The following GRM7 variants were observed in gnomAD, a reference collection of about 807,000 sequenced individuals.
GRM7 encodes the protein glutamate metabotropic receptor 7, also known as metabotropic glutamate receptor 7.
A neutral mutation model predicts 84.5 loss-of-function variants in GRM7; 35 were observed. The ratio of observed to expected loss-of-function variants is 0.41; its 90% CI spans 0.32 to 0.55. The LOEUF (loss-of-function observed/expected upper bound fraction) is 0.55, where lower values mean the gene tolerates loss of function less well. Among genes scored for constraint, GRM7 ranks in the 20% least tolerant of loss-of-function variants. The probability of loss-of-function intolerance (pLI) is 0.19; values close to 1 mark genes in which losing one functional copy is unlikely to be tolerated. For missense variants in GRM7, 1,003 were observed against 1,194.6 expected (o/e 0.84, Z 2.36); for synonymous variants, 487 against 455.1 (o/e 1.07, Z -0.89).
At chr3:7,534,941 A>G (rs1392011503) in intron 7 of GRM7, among the ~76,000 whole-genome samples, 1 of 152,180 alleles carries the variant, frequency 6.6e-6, no homozygotes, top group Non-Finnish European at 1.5e-5. Flanking sequence ...CAGTGTCATG[A>G]GAATGTACAT....
At chr3:7,639,477 C>A (rs969371771) in intron 8 of GRM7, among the ~76,000 whole-genome samples, 3 of 152,132 alleles carry the variant, frequency 2.0e-5, no homozygotes, top group Non-Finnish European at 4.4e-5. Flanking sequence ...GAGTTATTGA[C>A]CCTGCAGTGA....
chr3:6,866,606 C>G (rs993909370), intron 1 of GRM7, among the ~76,000 whole-genome samples: 1 of 152,162 alleles, frequency 6.6e-6, no homozygotes, highest in African/African-American at 2.4e-5. Flanking sequence ...GGAAAATGAT[C>G]TCTCAGGTCA....
chr3:7,557,247 G>A (rs546434238), intron 7 of GRM7, among the ~76,000 whole-genome samples: 1 of 152,182 alleles, frequency 6.6e-6, no homozygotes, highest in East Asian at 1.9e-4. Context: ...GCTATGCTAG[G>A]TGCTTAGAGG....
intron 9 of GRM7, among the ~76,000 whole-genome samples, chr3:7,717,695 G>A (rs1701812980): frequency 6.6e-6 from 1 of 152,188 alleles, no homozygotes; most frequent in South Asian, 2.1e-4. Flanking sequence ...ACCAGCAACA[G>A]GAAGGGAGAG....
intron 1 of GRM7, among the ~76,000 whole-genome samples, chr3:7,121,034 C>T (rs1341478020): frequency 6.6e-6 from 1 of 152,062 alleles, no homozygotes; most frequent in African/African-American, 2.4e-5. Context: ...CAATAATCTC[C>T]TTATCCATCA....
intron 1 of GRM7, among the ~76,000 whole-genome samples, chr3:6,991,374 A>G (rs551216937): frequency 1.8e-3 from 278 of 152,276 alleles, no homozygotes; most frequent in Non-Finnish European, 2.4e-3. Context: ...CCTAATCCCT[A>G]GAGCTAAGGA....
At chr3:7,485,441 G>A (rs1699284779) in intron 7 of GRM7, among the ~76,000 whole-genome samples, 1 of 152,180 alleles carries the variant, frequency 6.6e-6, no homozygotes. Context: ...TAGGTTGAGG[G>A]ACCTCATCAG....
intron 4 of GRM7, among the ~76,000 whole-genome samples, chr3:7,340,312 A>G (rs1430436757): frequency 6.6e-6 from 1 of 152,168 alleles, no homozygotes; most frequent in Non-Finnish European, 1.5e-5. Flanking sequence ...AAAGGGGTTT[A>G]ATTGATTCAC....
At chr3:7,724,691 C>T (rs1408413738) in intron 9 of GRM7, among the ~76,000 whole-genome samples, 1 of 152,176 alleles carries the variant, frequency 6.6e-6, no homozygotes, top group Admixed American at 6.5e-5. Flanking sequence ...TGAGTTGGGG[C>T]CTGTTTGTCA....
At chr3:7,338,026 TA>T (rs748485825) in intron 4 of GRM7, among the ~76,000 whole-genome samples, 3 of 150,950 alleles carry the variant, frequency 2.0e-5, no homozygotes, top group Non-Finnish European at 4.4e-5. Context: ...AATGAGCAAA[TA>T]AAGAAAATGT....
At chr3:7,367,564 A>G (rs889382101) in intron 4 of GRM7, among the ~76,000 whole-genome samples, 48 of 151,884 alleles carry the variant, frequency 3.2e-4, no homozygotes, top group Admixed American at 1.3e-4. Flanking sequence ...TTTTCTTTAT[A>G]CCAAGTTGAA....
chr3:7,052,722 T>TG (rs2124957286), intron 1 of GRM7, among the ~76,000 whole-genome samples: 1 of 147,488 alleles, frequency 6.8e-6, no homozygotes, highest in Non-Finnish European at 1.5e-5. Context: ...TATCGGTAGT[T>TG]TTTTTTTTTT....
At chr3:7,102,089 C>T (rs1019936320) in intron 1 of GRM7, among the ~76,000 whole-genome samples, 3 of 151,524 alleles carry the variant, frequency 2.0e-5, no homozygotes, top group African/African-American at 7.3e-5. Flanking sequence ...TATTTTACAG[C>T]AACTAAGAAA....
Position 7,578,654 on chromosome 3 carries a change from A to T in GRM7, c.1748A>T (p.Lys583Ile). The T allele has an allele frequency of 6.2e-7, 1 of 1,614,010 alleles. No homozygotes were observed. The highest frequency in any genetic ancestry group is 8.5e-7 in the Non-Finnish European group (1 of 1,179,926). ...RTGCQDIPII[K>I]LEWHSPWAVI... ...GGATGCCAGGATATTCCCATCATCA[A>T]ACTGGAGTGGCACTCCCCCTGGGCT... Residue 583 changes from lysine to isoleucine, a missense_variant, in exon 8 of 10, where the codon AAA (lysine) becomes ATA (isoleucine). Transcript: ENST00000357716.
intron 1 of GRM7, among the ~76,000 whole-genome samples, chr3:7,102,463 T>C (rs1193077292): frequency 6.6e-6 from 1 of 151,756 alleles, no homozygotes; most frequent in African/African-American, 2.4e-5. Context: ...TTTCTCTTTG[T>C]CTTTGGTTTT....
At chr3:6,896,668 C>A (rs915691878) in intron 1 of GRM7, among the ~76,000 whole-genome samples, 5 of 152,146 alleles carry the variant, frequency 3.3e-5, no homozygotes, top group African/African-American at 1.2e-4. Context: ...TTCACTCACT[C>A]TTGTGTCTGG....
chr3:7,626,400 A>G (rs1219376708), intron 8 of GRM7, among the ~76,000 whole-genome samples: 3 of 152,184 alleles, frequency 2.0e-5, no homozygotes, highest in African/African-American at 7.2e-5. Context: ...CATCCTCTCT[A>G]AAGACTGTAT....
At chr3:7,017,752 T>C (rs1285572456) in intron 1 of GRM7, among the ~76,000 whole-genome samples, 1 of 152,182 alleles carries the variant, frequency 6.6e-6, no homozygotes, top group African/African-American at 2.4e-5. Context: ...GTTGCCCATA[T>C]GGCTCTCATT....
At chr3:7,023,201 G>T (rs1176317920) in intron 1 of GRM7, among the ~76,000 whole-genome samples, 1 of 152,124 alleles carries the variant, frequency 6.6e-6, no homozygotes, top group Non-Finnish European at 1.5e-5. Context: ...ACTAACCCTA[G>T]TCTCTTCTCT....
Sources: allele counts gnomAD v4.1 joint callset (sites outside exome capture counted in the v4.1 genomes callset), GRCh38; gene constraint gnomAD v4.1.1; transcripts MANE v1.5; gene names NCBI Gene and HGNC (gene_info 2026-07-23, HGNC 2026-07-21).